ANKRD26: variants seen among roughly 807,000 people sequenced by gnomAD.
ANKRD26 encodes ankyrin repeat domain-containing protein 26.
ANKRD26 carries 141 observed loss-of-function variants against 208.7 expected under a neutral mutation model. The observed-to-expected ratio is 0.68, with a 90% confidence interval of 0.59 to 0.78. ANKRD26 has a LOEUF of 0.78. Among genes scored for constraint, ANKRD26 ranks in the 30% least tolerant of loss-of-function variants. ANKRD26 has a pLI of 0.00. For synonymous variants in ANKRD26, 636 were observed against 660.4 expected, an observed-to-expected ratio of 0.96 and a Z score of 0.57; for missense variants, 1,889 against 1,938.7, an observed-to-expected ratio of 0.97 and a Z score of 0.48.
intron 5 of ANKRD26, among the ~76,000 whole-genome samples, chr10:26,976,854 T>G (rs1589160042): frequency 6.6e-6 from 1 of 152,084 alleles, no homozygotes; most frequent in African/African-American, 2.4e-5. Flanking sequence ...AGATGGAAGG[T>G]GCACCTGCCA....
At chr10:27,049,010 C>T (rs778155306) in intron 16 of ANKRD26, 31 bp from the exon 17 acceptor site, 3 of 1,514,090 alleles carry the variant, frequency 2.0e-6, no homozygotes, top group Non-Finnish European at 2.7e-6. Context: ...TAAGGAATTG[C>T]TATTACTTTA....
the ANKRD26 span, among the ~76,000 whole-genome samples, chr10:26,960,520 C>T: frequency 6.6e-6 from 1 of 152,206 alleles, no homozygotes; most frequent in Non-Finnish European, 1.5e-5. Context: ...GAACAGAAGA[C>T]TCACCCAGCC....
chr10:27,049,259 C>T (rs1026595509), intron 16 of ANKRD26, among the ~76,000 whole-genome samples: 2 of 152,000 alleles, frequency 1.3e-5, no homozygotes, highest in African/African-American at 4.8e-5. Context: ...TAATTTTGTG[C>T]TTTTATTCCC....
chr10:27,082,049 T>TAAAAAA (rs994610726), intron 6 of ANKRD26, among the ~76,000 whole-genome samples: 13 of 67,644 alleles, frequency 1.9e-4, no homozygotes, highest in African/African-American at 5.4e-4. Context: ...TGCAGTTATT[T>TAAAAAA]AAAAAAAAAA....
chr10:27,051,314 G>A (rs567322622), intron 16 of ANKRD26: 75 of 1,283,754 alleles, frequency 5.8e-5, no homozygotes, highest in Admixed American at 2.4e-4. Flanking sequence ...TCTTGTAAGC[G>A]TCTGTACCAG....
chr10:27,016,504 C>T (rs1395104276), intron 30 of ANKRD26, among the ~76,000 whole-genome samples: 1 of 151,800 alleles, frequency 6.6e-6, no homozygotes, highest in African/African-American at 2.4e-5. Flanking sequence ...GTCTGGAACT[C>T]CTGACCTCGT....
At chr10:26,978,380 C>T (rs763450833) in intron 5 of ANKRD26, among the ~76,000 whole-genome samples, 9 of 151,998 alleles carry the variant, frequency 5.9e-5, no homozygotes, top group African/African-American at 4.8e-5. Context: ...CGTTTGAACC[C>T]GGGAGGCAGA....
At chr10:27,045,213 CA>C (rs1232048618) in intron 18 of ANKRD26, among the ~76,000 whole-genome samples, 1 of 152,180 alleles carries the variant, frequency 6.6e-6, no homozygotes, top group African/African-American at 2.4e-5. Context: ...CACTTGAGGT[CA>C]GGAGTTTAAG....
At chr10:27,031,999 C>A (rs928575523) in intron 25 of ANKRD26, among the ~76,000 whole-genome samples, 1 of 152,062 alleles carries the variant, frequency 6.6e-6, no homozygotes, top group South Asian at 2.1e-4. Context: ...AGAAATAAGA[C>A]AATTTTCTGG....
Position 27,079,166 on chromosome 10 carries a change from A to G in ANKRD26, c.741-5T>C, listed in dbSNP as rs2055811768. 6.2e-7 allele frequency: 1 copy of G among 1,611,316 alleles called. No individual in the cohort carries two copies. Among genetic ancestry groups the G allele is most frequent in the Non-Finnish European group, 8.5e-7 (1 of 1,177,500 alleles). On this transcript the variant is annotated splice_region_variant and splice_polypyrimidine_tract_variant and intron_variant, in intron 6 of 33. Coordinates refer to ENST00000376087, the MANE Select transcript of ANKRD26 (RefSeq NM_014915.3). Reference sequence around the variant, plus strand: ...ACACCCGGTTTGCCAGAAAGCCTTTAGAACAAAAATATAGAAAAATGAGTG... The same window carrying G: ...ACACCCGGTTTGCCAGAAAGCCTTTGGAACAAAAATATAGAAAAATGAGTG...
At chr10:27,098,805 T>C (rs2056551833) in intron 1 of ANKRD26, among the ~76,000 whole-genome samples, 1 of 152,226 alleles carries the variant, frequency 6.6e-6, no homozygotes, top group Non-Finnish European at 1.5e-5. Flanking sequence ...CGCCTCGGCC[T>C]CCCGAAGTGC....
intron 32 of ANKRD26, among the ~76,000 whole-genome samples, chr10:27,012,429 C>A (rs1015298006): frequency 6.6e-6 from 1 of 151,676 alleles, no homozygotes; most frequent in African/African-American, 2.4e-5. Flanking sequence ...TGTTTCCTCA[C>A]TTTATTAGCA....
downstream of ANKRD26, among the ~76,000 whole-genome samples, chr10:26,969,448 A>G (rs2052112985): frequency 6.6e-6 from 1 of 152,136 alleles, no homozygotes; most frequent in African/African-American, 2.4e-5. Context: ...CTGGCCTGAG[A>G]ATTGTTGTTT....
intron 1 of ANKRD26, among the ~76,000 whole-genome samples, chr10:27,099,359 G>A (rs1237822561): frequency 1.3e-5 from 2 of 151,812 alleles, no homozygotes; most frequent in Non-Finnish European, 2.9e-5. Context: ...CATTCTATGG[G>A]TTCTCCTTAA....
intron 30 of ANKRD26, 143 bp downstream of exon 30, chr10:27,017,358 TA>T: frequency 1.3e-6 from 1 of 761,604 alleles, no homozygotes; most frequent in Non-Finnish European, 2.2e-6. Flanking sequence ...CTGGAATATC[TA>T]AAGGGAGAAA....
chr10:26,970,556 A>G (rs977654733), downstream of ANKRD26, among the ~76,000 whole-genome samples: 1 of 152,152 alleles, frequency 6.6e-6, no homozygotes, highest in Non-Finnish European at 1.5e-5. Flanking sequence ...CCAGAAGCCA[A>G]TGCTACTATA....
chr10:26,983,223 T>G (rs1403521058), intron 3 of ANKRD26, among the ~76,000 whole-genome samples: 1 of 152,176 alleles, frequency 6.6e-6, no homozygotes, highest in Non-Finnish European at 1.5e-5. Context: ...AATATCTATT[T>G]GTGGTATAAA....
intron 9 of ANKRD26, among the ~76,000 whole-genome samples, chr10:27,074,123 A>C (rs1250439786): frequency 2.0e-5 from 3 of 152,140 alleles, no homozygotes; most frequent in African/African-American, 7.2e-5. Context: ...AAAAAACAGC[A>C]TTCTATAATC....
Position 27,043,431 on chromosome 10 carries a change from C to T in ANKRD26, c.2156G>A (p.Cys719Tyr). Residue 719 changes from cysteine (C) to tyrosine (Y), a missense_variant, in exon 20 of 34, where the codon TGT (cysteine) becomes TAT (tyrosine). Cys to Tyr is a radical substitution (Grantham distance 194). Around this residue, in one of 3 missense-constraint regions of ANKRD26, gnomAD observed 1,272 missense variants for 1,273.8 expected, o/e 1.00. Transcript: ENST00000376087. The part of the protein sequence containing the change: ...MLLIEQLGME[C>Y]KDSVSLLKIQ... Reference sequence around the variant, plus strand: ...AATTTATGCAATGGTCCTACCTTTACACTCCATTCCAAGTTGTTCAATGAG... The same window carrying T: ...AATTTATGCAATGGTCCTACCTTTATACTCCATTCCAAGTTGTTCAATGAG... 2 of 1,613,974 alleles carry T rather than the reference C, an allele frequency of 1.2e-6. No homozygotes were observed. Among genetic ancestry groups the T allele is most frequent in the Non-Finnish European group, 1.7e-6 (2 of 1,179,936 alleles).
Sources: gnomAD v4.1 joint callset for allele counts (sites outside exome capture counted in the v4.1 genomes callset) on GRCh38, gnomAD v4.1.1 for gene constraint, gnomAD v4.1.1 regional missense constraint, MANE v1.5 for transcripts, NCBI Gene and HGNC (gene_info 2026-07-23, HGNC 2026-07-21) for gene names.